ZHX3: variants seen among roughly 807,000 people sequenced by gnomAD.
ZHX3 encodes zinc fingers and homeoboxes protein 3.
Under a neutral mutation model 64.5 loss-of-function variants are expected in ZHX3, and 20 were observed. The ratio of observed to expected loss-of-function variants is 0.31; its 90% CI spans 0.22 to 0.45. The LOEUF (loss-of-function observed/expected upper bound fraction) is 0.45. Among genes scored for constraint, ZHX3 ranks in the 20% least tolerant of loss-of-function variants. The pLI, the probability that ZHX3 is intolerant of heterozygous loss-of-function variation, is 1.00. For synonymous variants in ZHX3, 423 were observed against 461.6 expected, an observed-to-expected ratio of 0.92 and a Z score of 1.07; for missense variants, 1,041 against 1,195.8, an observed-to-expected ratio of 0.87 and a Z score of 1.91.
At chr20:41,280,322 C>T (rs949290648) in intron 1 of ZHX3, among the ~76,000 whole-genome samples, 21 of 152,226 alleles carry the variant, frequency 1.4e-4, no homozygotes, top group Middle Eastern at 3.4e-3. Context: ...TGGGCCCCAC[C>T]GCAATGCAAC....
rs974445967 is a variant in ZHX3 at position 41,224,950 on chromosome 20, C to T, written c.-150-19884G>A. Among the ~76,000 whole-genome samples the T allele has an allele frequency of 5.9e-5, 9 of 152,206 alleles. No individual in the cohort carries two copies. The highest frequency in any genetic ancestry group is 5.2e-4 in the Admixed American group (8 of 15,284). ...ATCTGATTCTTTTCCTGCTTATTGTCTTTCACTTTGGCTAGGCTGTAAGCT... is the reference window on the plus strand; with the variant it reads ...ATCTGATTCTTTTCCTGCTTATTGTTTTTCACTTTGGCTAGGCTGTAAGCT... On this transcript the variant is annotated intron_variant, in intron 2 of 3. Coordinates refer to ENST00000683867, the MANE Select transcript of ZHX3 (RefSeq NM_001384317.1). This position sits in a 1 kb window ranked among gnomAD's most constrained non-coding sequence, Gnocchi z 5.2.
intron 2 of ZHX3, among the ~76,000 whole-genome samples, chr20:41,266,809 T>A (rs1309453251): frequency 6.7e-6 from 1 of 150,162 alleles, no homozygotes; most frequent in Non-Finnish European, 1.5e-5. Flanking sequence ...CCTCCCAAAG[T>A]GCTAGGATTA....
At chr20:41,272,580 TC>T (rs1165562747) in intron 1 of ZHX3, among the ~76,000 whole-genome samples, 5 of 152,174 alleles carry the variant, frequency 3.3e-5, no homozygotes, top group African/African-American at 1.2e-4. Flanking sequence ...GCTTTATGTC[TC>T]CATAAAATTA....
chr20:41,271,891 G>T (rs1173575165), intron 1 of ZHX3: 1 of 152,024 alleles, frequency 6.6e-6, no homozygotes, highest in Admixed American at 6.5e-5. Context: ...AATGATTTTA[G>T]AAAGTATTAC....
intron 3 of ZHX3, among the ~76,000 whole-genome samples, chr20:41,196,311 ATATT>A (rs1374192680): frequency 1.7e-5 from 2 of 119,358 alleles, no homozygotes; most frequent in African/African-American, 6.4e-5. Flanking sequence ...AAATAAATAT[ATATT>A]TATAATAAAT....
chr20:41,312,395 T>C (rs1051907607), intron 1 of ZHX3, among the ~76,000 whole-genome samples: 6 of 152,200 alleles, frequency 3.9e-5, no homozygotes. Flanking sequence ...GCTTTGTTTT[T>C]TCGCTCTTCA....
intron 2 of ZHX3, among the ~76,000 whole-genome samples, chr20:41,230,100 C>T (rs1205537966): frequency 1.3e-5 from 2 of 152,128 alleles, no homozygotes; most frequent in Non-Finnish European, 2.9e-5. Context: ...CTCCATTCTA[C>T]TCCATTGGTC....
chr20:41,194,523 T>C (rs910288526), intron 3 of ZHX3, among the ~76,000 whole-genome samples: 4 of 144,964 alleles, frequency 2.8e-5, no homozygotes, highest in Admixed American at 1.4e-4. Flanking sequence ...TATTAGTCTG[T>C]AGATTTCTTT....
In ZHX3 at chr20:41,204,670, C is replaced by T. The variant is rs376196972; in HGVS notation, c.247G>A (p.Asp83Asn). The T allele has an allele frequency of 3.2e-5, 52 of 1,614,074 alleles. No homozygotes were observed. In the East Asian group the frequency reaches 8.0e-4, roughly 25 times the overall value. The change falls in exon 3 of 4, where the codon GAT (aspartate) becomes AAT (asparagine). Residue 83 changes from aspartate (D) to asparagine (N), a missense_variant. By Grantham distance (23) the Asp-to-Asn change is conservative. Around this residue, in one of 4 missense-constraint regions of ZHX3, gnomAD observed 358 missense variants for 369.1 expected, o/e 0.97. Transcript: ENST00000683867. This position sits in a 1 kb window ranked among gnomAD's most constrained non-coding sequence, Gnocchi z 6.6. ...DGYLYSCKYC[D>N]FRSHDMTQFV... ...TGGGTCATGTCATGGGATCTGAAAT[C>T]GCAGTATTTACAGGAATATAAATAG... is the stretch of plus-strand genomic sequence containing the variant.
intron 3 of ZHX3, among the ~76,000 whole-genome samples, chr20:41,189,708 C>T (rs2036839135): frequency 6.6e-6 from 1 of 152,144 alleles, no homozygotes; most frequent in Non-Finnish European, 1.5e-5. Flanking sequence ...GCTGAATTTG[C>T]TTACCAGCTT....
intron 2 of ZHX3, among the ~76,000 whole-genome samples, chr20:41,215,884 G>A (rs1207723789): frequency 2.0e-5 from 3 of 150,834 alleles, no homozygotes; most frequent in Non-Finnish European, 3.0e-5. Flanking sequence ...CCCAGGAGGC[G>A]GAGCTTGCAG....
At chr20:41,208,668 A>C (rs2038920232) in intron 2 of ZHX3, among the ~76,000 whole-genome samples, 1 of 152,166 alleles carries the variant, frequency 6.6e-6, no homozygotes, top group Admixed American at 6.5e-5. Flanking sequence ...CTCTCAATAA[A>C]TTAGGTATTG....
intron 2 of ZHX3, among the ~76,000 whole-genome samples, chr20:41,256,892 T>C (rs941072711): frequency 6.6e-6 from 1 of 152,016 alleles, no homozygotes; most frequent in Non-Finnish European, 1.5e-5. Flanking sequence ...ATCTAAATAG[T>C]GTACATTGTA....
intron 1 of ZHX3, among the ~76,000 whole-genome samples, chr20:41,276,463 C>T (rs1434359509): frequency 2.0e-5 from 3 of 152,148 alleles, no homozygotes; most frequent in African/African-American, 2.4e-5. Context: ...AATAACCTCT[C>T]GGTCTCAAAA....
chr20:41,252,316 T>C (rs6065325), intron 2 of ZHX3, among the ~76,000 whole-genome samples: 21,727 of 152,180 alleles, frequency 0.14, 1,761 homozygotes, highest in Non-Finnish European at 0.17. Context: ...GTACAGACAG[T>C]AGAGCAGGAC....
chr20:41,298,086 T>TA (rs2044628167), intron 1 of ZHX3, among the ~76,000 whole-genome samples: 1 of 151,348 alleles, frequency 6.6e-6, no homozygotes, highest in Non-Finnish European at 1.5e-5. Flanking sequence ...TTTTTTTTTT[T>TA]ATTTATATTT....
At chr20:41,238,463 A>G (rs2041158780) in intron 2 of ZHX3, among the ~76,000 whole-genome samples, 1 of 152,180 alleles carries the variant, frequency 6.6e-6, no homozygotes, top group Non-Finnish European at 1.5e-5. Context: ...GGGTGGAAAC[A>G]TCTATCTAAG....
chr20:41,310,569 A>C (rs1370807429), intron 1 of ZHX3, among the ~76,000 whole-genome samples: 4 of 152,170 alleles, frequency 2.6e-5, no homozygotes, highest in African/African-American at 9.7e-5. Context: ...TACTGACGTA[A>C]ACAGTATGCT....
intron 2 of ZHX3, among the ~76,000 whole-genome samples, chr20:41,220,255 C>A (rs553162313): frequency 2.6e-5 from 4 of 151,964 alleles, no homozygotes; most frequent in African/African-American, 4.8e-5. Context: ...GATTAGAGCT[C>A]GAAGGATGAA....
Sources: allele counts gnomAD v4.1 joint callset (sites outside exome capture counted in the v4.1 genomes callset), GRCh38; gene constraint gnomAD v4.1.1; regional missense constraint gnomAD v4.1.1; non-coding constraint Gnocchi (gnomAD v3.1); transcripts MANE v1.5; gene names NCBI Gene and HGNC (gene_info 2026-07-23, HGNC 2026-07-21).